The following CYP11B2 variants were observed in gnomAD, a reference collection of about 807,000 sequenced individuals.
The protein encoded by CYP11B2 is cytochrome P450 11B2, mitochondrial.
A neutral mutation model predicts 49.3 loss-of-function variants in CYP11B2; 38 were observed. That is an observed-to-expected ratio of 0.77 (90% CI 0.59 to 1.01). The LOEUF is 1.01. Among genes scored for constraint, CYP11B2 ranks in the 50% least tolerant of loss-of-function variants. The probability of loss-of-function intolerance (pLI) is 0.00; values close to 1 mark genes in which losing one functional copy is unlikely to be tolerated. For missense variants in CYP11B2, 669 were observed against 655.5 expected (o/e 1.02, Z -0.23); for synonymous variants, 290 against 269.3 (o/e 1.08, Z -0.75).
chr8:142,914,880 C>G lies in CYP11B2; in HGVS notation c.624G>C (p.Arg208=). Residue 208 remains arginine (R), a synonymous_variant, in exon 4 of 9, where the codon CGG becomes CGC. Coordinates refer to ENST00000323110, the MANE Select transcript of CYP11B2 (RefSeq NM_000498.3). ...EASNLALFGE[R]LGLVGHSPSS... is the part of the protein sequence containing the mutation. ...TGGGGCTGTGGCCAACCAGGCCCAG[C>G]CGCTCTCCAAAAAGAGCTAAGTTGC... 1.2e-6 allele frequency: 2 copies of G among 1,613,844 alleles called. No homozygotes were observed. The highest frequency in any genetic ancestry group is 1.7e-6 in the Non-Finnish European group (2 of 1,180,006).
In CYP11B2 at chr8:142,914,430, G is replaced by A. The variant is rs762530711; in HGVS notation, c.800-12C>T. 5 of 1,605,522 alleles carry A rather than the reference G, an allele frequency of 3.1e-6. No individual in the cohort carries two copies. Among genetic ancestry groups the A allele is most frequent in the Non-Finnish European group, 4.3e-6 (5 of 1,174,584 alleles). On this transcript the variant is annotated splice_polypyrimidine_tract_variant and intron_variant, in intron 4 of 8. Transcript: ENST00000323110. ...GATACAGTTGTCACCTGTCCAGGGA[G>A]CAGGGGACAGCCCTCAGATCTTGGT...
chr8:142,913,418 G>A lies in CYP11B2; in HGVS notation c.988C>T (p.Leu330=). The change falls in exon 6 of 9, where the codon CTG becomes TTG. Residue 330 remains leucine (L), a synonymous_variant. Coordinates refer to ENST00000323110, the MANE Select transcript of CYP11B2 (RefSeq NM_000498.3). ...AFPLLMTLFE[L]ARNPDVQQIL... ...TGCTGCACGTCGGGGTTCCGAGCCA[G>A]CTCAAAGAGCGTCATCAGCAAGGGA... 1 of 1,614,056 alleles carries A rather than the reference G, an allele frequency of 6.2e-7. No individual in the cohort carries two copies.
rs140607604 is a variant in CYP11B2 at position 142,912,530 on chromosome 8, G to T, written c.1398C>A (p.His466Gln). ...AEAEMLLLLH[H>Q]VLKHFLVETL... ...CGCCCCCGCCCCCAGGCCTGCTTAC[G>T]TGGTGCAGCAGCAGCAGCATCTCTG... Residue 466 changes from histidine (H) to glutamine (Q), a missense_variant and splice_region_variant, in exon 8 of 9, where the codon CAC becomes CAA. Coordinates refer to ENST00000323110, the MANE Select transcript of CYP11B2 (RefSeq NM_000498.3). 5 of 1,609,708 alleles carry T rather than the reference G, an allele frequency of 3.1e-6. No homozygotes were observed. Among genetic ancestry groups the T allele is most frequent in the Admixed American group, 3.3e-5 (2 of 59,952 alleles).
intron 1 of CYP11B2, 79 bp downstream of exon 1, chr8:142,917,523 G>A (rs188169854): frequency 2.1e-4 from 345 of 1,613,494 alleles, no homozygotes; most frequent in Non-Finnish European, 2.8e-4. Context: ...GGGAATGGCA[G>A]TGCTGAGTGC....
At chr8:142,916,781 G>A (rs190866165) in intron 2 of CYP11B2, among the ~76,000 whole-genome samples, 164 of 152,290 alleles carry the variant, frequency 1.1e-3, no homozygotes, top group African/African-American at 3.9e-3. Flanking sequence ...CGCCGAGGTT[G>A]GTGCAGAGCG....
At position 142,917,730 on chromosome 8, in the gene CYP11B2, CG is replaced by C. The variant is rs1817674168; in HGVS notation, c.110del (p.Pro37ArgfsTer14). 23 of 1,614,112 alleles carry C rather than the reference CG, an allele frequency of 1.4e-5. 1 individual carries two copies. On this transcript the variant is annotated frameshift_variant, in exon 1 of 9. Transcript: ENST00000323110. LOFTEE classifies it high-confidence loss of function. Reference sequence around the variant, plus strand: ...CTGGATGCTGGGGCATGGCTTCAAACGGCAGCACCGTCCTAGGGGCCCGAGC... The same window carrying C: ...CTGGATGCTGGGGCATGGCTTCAAACGCAGCACCGTCCTAGGGGCCCGAGC... ...RAARAPRTVL[P>X]FEAMPQHPGN...
intron 2 of CYP11B2, among the ~76,000 whole-genome samples, chr8:142,915,519 A>C (rs13263682): frequency 0.48 from 57,121 of 118,316 alleles, 17,447 homozygotes; most frequent in African/African-American, 0.69. Context: ...GGACCTGGCG[A>C]CCCAAGTCTG....
intron 5 of CYP11B2, chr8:142,913,833 G>T: frequency 6.6e-6 from 3 of 457,960 alleles, no homozygotes; most frequent in South Asian, 3.6e-5. Context: ...AGCCTGTGCT[G>T]CTGTCTTCCC....
chr8:142,916,525 T>G (rs1215367336), intron 2 of CYP11B2: 5 of 415,618 alleles, frequency 1.2e-5, no homozygotes, highest in African/African-American at 2.1e-5. Flanking sequence ...ACCTTGTGCC[T>G]TGCTTCTGAG....
At chr8:142,913,711 A>G (rs1457601795) in intron 5 of CYP11B2, among the ~76,000 whole-genome samples, 1 of 151,992 alleles carries the variant, frequency 6.6e-6, no homozygotes, top group Non-Finnish European at 1.5e-5. Context: ...AGCCACCATT[A>G]GGGCAGGGGG....
chr8:142,913,447 G>T lies in CYP11B2; in HGVS notation c.959C>A (p.Ala320Glu). The T allele has an allele frequency of 6.2e-7, 1 of 1,614,016 alleles. No individual in the cohort carries two copies. The highest frequency in any genetic ancestry group is 8.5e-7 in the Non-Finnish European group (1 of 1,179,990). The change falls in exon 6 of 9, where the codon GCG (alanine) becomes GAG (glutamate). Residue 320 changes from alanine (A) to glutamate (E), a missense_variant. Coordinates refer to ENST00000323110, the MANE Select transcript of CYP11B2 (RefSeq NM_000498.3). ...ELTAGSVDTT[A>E]FPLLMTLFEL... ...AAAGAGCGTCATCAGCAAGGGAAACGCTGTCTACAGAAGCCATGTCTGCAG... is the reference window on the plus strand; with the variant it reads ...AAAGAGCGTCATCAGCAAGGGAAACTCTGTCTACAGAAGCCATGTCTGCAG...
At position 142,911,586 on chromosome 8, in the gene CYP11B2, A is replaced by T. The variant is rs753723570; in HGVS notation, c.*394T>A. On this transcript the variant is annotated 3_prime_UTR_variant, in exon 9 of 9. Transcript: ENST00000323110. The stretch of plus-strand genomic sequence containing the variant: ...CACTGTCTGCACAGAGGCCCTGGCC[A>T]GGGCGAGAGGGACAGGGACATGTGA... The T allele has an allele frequency of 5.1e-5, 14 of 272,750 alleles. No individual in the cohort carries two copies. The highest frequency in any genetic ancestry group is 1.4e-5 in the Non-Finnish European group (2 of 139,288). The allele number at this position is 272,750 out of a possible 1,614,324, so 16.9% of individuals were successfully genotyped here. A position where few individuals can be genotyped will look rare whatever the true frequency, so the allele number is the denominator to read the frequency against.
Position 142,915,257 on chromosome 8 carries a change from A to G in CYP11B2, c.396-12T>C, listed in dbSNP as rs748052808. 2.1e-5 allele frequency: 33 copies of G among 1,604,752 alleles called. No homozygotes were observed. The Admixed American group carries it at 5.4e-4, about 26-fold the overall frequency. ...ATTCAGGCCCATTCCTACAGAGGCC[A>G]GGGCAGAGCTTGTGAGGCCGCCCCA... is the stretch of plus-strand genomic sequence containing the variant. On this transcript the variant is annotated splice_polypyrimidine_tract_variant and intron_variant, in intron 2 of 8. Transcript: ENST00000323110.
chr8:142,914,056 ACTCAGT>A, intron 5 of CYP11B2: 1 of 689,890 alleles, frequency 1.4e-6, no homozygotes, highest in Non-Finnish European at 2.6e-6. Context: ...GTAACTGCAA[ACTCAGT>A]CTCATGTGAG....
At chr8:142,917,236 C>G in intron 1 of CYP11B2, 22 bp from the exon 2 acceptor site, 1 of 1,613,242 alleles carries the variant, frequency 6.2e-7, no homozygotes, top group Non-Finnish European at 8.5e-7. Context: ...AGCAGGAGGC[C>G]CTGCTGGACG....
At chr8:142,912,506 G>T (rs768449280) in intron 8 of CYP11B2, 24 bp downstream of exon 8, 4 of 1,531,914 alleles carry the variant, frequency 2.6e-6, no homozygotes, top group Non-Finnish European at 3.6e-6. Flanking sequence ...CCCAGGTCCC[G>T]CCCCCGCCCC....
At position 142,913,270 on chromosome 8, in the gene CYP11B2, T is replaced by G; in HGVS notation, c.1121+15A>C. The stretch of plus-strand genomic sequence containing the variant: ...AGGGGGCCAGGGCCACAGGGAGGCC[T>G]CAGCCAGCACCCACCGCAAGGTCTC... On this transcript the variant is annotated intron_variant, in intron 6 of 8. Coordinates refer to ENST00000323110, the MANE Select transcript of CYP11B2 (RefSeq NM_000498.3). The G allele has an allele frequency of 1.2e-6, 2 of 1,612,118 alleles. No individual in the cohort carries two copies. The highest frequency in any genetic ancestry group is 8.5e-7 in the Non-Finnish European group (1 of 1,179,576).
Position 142,917,744 on chromosome 8 carries a change from T to C in CYP11B2, c.97A>G (p.Arg33Gly). The C allele has an allele frequency of 3.1e-6, 5 of 1,614,208 alleles. No homozygotes were observed. Among genetic ancestry groups the C allele is most frequent in the Non-Finnish European group, 4.2e-6 (5 of 1,180,044 alleles). The change falls in exon 1 of 9, where the codon AGG (arginine) becomes GGG (glycine). Residue 33 changes from arginine to glycine, a missense_variant. Arg to Gly is a moderately radical substitution (Grantham distance 125). Transcript: ENST00000323110. ...ALGTRAARAP[R>G]TVLPFEAMPQ... ...ATGGCTTCAAACGGCAGCACCGTCC[T>C]AGGGGCCCGAGCGGCTCTAGTGCCC...
At chr8:142,916,825 C>T (rs1035477315) in intron 2 of CYP11B2, among the ~76,000 whole-genome samples, 2 of 152,168 alleles carry the variant, frequency 1.3e-5, no homozygotes, top group African/African-American at 2.4e-5. Context: ...CATTGCTCTG[C>T]GTCTTCTCTG....
Sources: gnomAD v4.1 joint callset for allele counts (sites outside exome capture counted in the v4.1 genomes callset) on GRCh38, gnomAD v4.1.1 for gene constraint, MANE v1.5 for transcripts, NCBI Gene and HGNC (gene_info 2026-07-23, HGNC 2026-07-21) for gene names.